The following KCNA2 variants were observed in gnomAD, a reference collection of about 807,000 sequenced individuals.
KCNA2 encodes potassium channel, voltage gated shaker related subfamily A, member 2.
KCNA2 carries 11 observed loss-of-function variants against 33.4 expected under a neutral mutation model. The observed-to-expected ratio is 0.33, with a 90% CI of 0.21 to 0.55. The LOEUF is 0.55. KCNA2 is among the 20% of genes least tolerant of loss of function. The pLI is 0.93. For synonymous variants in KCNA2, 222 were observed against 231.3 expected (o/e 0.96, Z 0.37); for missense variants, 291 against 621.6 (o/e 0.47, Z 5.66).
rs1648984958 is a variant in KCNA2, at chr1:110,594,149, T to A, written c.*9134A>T. ...AGGCTTATTTATCTACCTCTTTGAG[T>A]TTTCAGCAATTATTAGAGACAGGAC... On this transcript the variant is annotated 3_prime_UTR_variant, in exon 3 of 3. Coordinates refer to ENST00000316361, the MANE Select transcript of KCNA2 (RefSeq NM_004974.4). 7.4e-7 allele frequency: 1 copy of A among 1,342,472 alleles called. No individual in the cohort carries two copies. 83.2% of individuals were successfully genotyped at this position (1,342,472 alleles called of 1,614,324 possible). A position where few individuals can be genotyped will look rare whatever the true frequency, so the allele number is the denominator to read the frequency against.
chr1:110,628,458 A>G (rs186912081), intron 1 of KCNA2, among the ~76,000 whole-genome samples: 20 of 152,256 alleles, frequency 1.3e-4, no homozygotes, highest in African/African-American at 4.6e-4. Context: ...ACTGGTTTCC[A>G]CTTGGTGACA....
chr1:110,597,850 G>A lies in KCNA2; in HGVS notation c.*5433C>T. On this transcript the variant is annotated 3_prime_UTR_variant, in exon 3 of 3. Coordinates refer to ENST00000316361, the MANE Select transcript of KCNA2 (RefSeq NM_004974.4). ...TCAAACACAAACTATGAGAGATGAA[G>A]CTGAGATTTGGTGGGAAGGGAAGCA... 1.0e-6 allele frequency: 1 copy of A among 985,038 alleles called. No individual in the cohort carries two copies. Among genetic ancestry groups the A allele is most frequent in the Non-Finnish European group, 1.2e-6 (1 of 829,638 alleles). 61.0% of individuals were successfully genotyped at this position (985,038 alleles called of 1,614,324 possible). A position where few individuals can be genotyped will look rare whatever the true frequency, so the allele number is the denominator to read the frequency against.
rs910939214 is a variant in KCNA2 at position 110,593,975 on chromosome 1, C to T, written c.*9308G>A. Reference sequence around the variant, plus strand: ...AAATAGTTAAATGACTCCCAACTCCCATGAGTCTTCCCCGCAAGTCCTGCT... The same window carrying T: ...AAATAGTTAAATGACTCCCAACTCCTATGAGTCTTCCCCGCAAGTCCTGCT... On this transcript the variant is annotated 3_prime_UTR_variant, in exon 3 of 3. Transcript: ENST00000316361. 1.3e-6 allele frequency: 2 copies of T among 1,548,586 alleles called. No homozygotes were observed. Among genetic ancestry groups the T allele is most frequent in the South Asian group, 1.2e-5 (1 of 83,710 alleles).
At chr1:110,618,163 G>A (rs1157867935) in intron 1 of KCNA2, among the ~76,000 whole-genome samples, 1 of 152,172 alleles carries the variant, frequency 6.6e-6, no homozygotes, top group Non-Finnish European at 1.5e-5. Context: ...GCAACATAGT[G>A]AGACCCTGTC....
In KCNA2 at chr1:110,594,472, A is replaced by T. The variant is rs951139151; in HGVS notation, c.*8811T>A. ...GCTATGTCCCTGATGAAAACTAGAG[A>T]ATCTTCCTTGATTGCTGGCACCATT... is the stretch of plus-strand genomic sequence containing the variant. On this transcript the variant is annotated 3_prime_UTR_variant, in exon 3 of 3. Transcript: ENST00000316361. 1.0e-6 allele frequency: 1 copy of T among 985,214 alleles called. No homozygotes were observed. Among genetic ancestry groups the T allele is most frequent in the Admixed American group, 6.2e-5 (1 of 16,260 alleles). 61.0% of individuals were successfully genotyped at this position (985,214 alleles called of 1,614,324 possible). A position where few individuals can be genotyped will look rare whatever the true frequency, so the allele number is the denominator to read the frequency against.
chr1:110,598,769 A>T lies in KCNA2; in HGVS notation c.*4514T>A. ...GGACAGAGGCAAGCAGAGAAGAAGG[A>T]AGAGAGCATGTCAAATATTACTGAA... On this transcript the variant is annotated 3_prime_UTR_variant, in exon 3 of 3. Coordinates refer to ENST00000316361, the MANE Select transcript of KCNA2 (RefSeq NM_004974.4). 1.0e-6 allele frequency: 1 copy of T among 985,350 alleles called. No individual in the cohort carries two copies. The highest frequency in any genetic ancestry group is 1.2e-6 in the Non-Finnish European group (1 of 829,916). The allele number at this position is 985,350 out of a possible 1,614,324, so 61.0% of individuals were successfully genotyped here.
upstream of KCNA2, among the ~76,000 whole-genome samples, chr1:110,610,569 G>C (rs1649830857): frequency 6.6e-6 from 1 of 152,202 alleles, no homozygotes; most frequent in African/African-American, 2.4e-5. Context: ...AGCTCAGAGA[G>C]GACCAAGGTA....
rs1649351750 is a variant in KCNA2, at chr1:110,601,715, C to T, written c.*1568G>A. 8.7e-7 allele frequency: 1 copy of T among 1,147,392 alleles called. No individual in the cohort carries two copies. The highest frequency in any genetic ancestry group is 1.1e-6 in the Non-Finnish European group (1 of 936,816). The allele number at this position is 1,147,392 out of a possible 1,614,324, so 71.1% of individuals were successfully genotyped here. A position where few individuals can be genotyped will look rare whatever the true frequency, so the allele number is the denominator to read the frequency against. On this transcript the variant is annotated 3_prime_UTR_variant, in exon 3 of 3. Transcript: ENST00000316361. ...CAATGAGACAAATTAACCCATTAGG[C>T]CTCTTAGACAGCCAACCCACCAAGC... is the stretch of plus-strand genomic sequence containing the variant.
intron 1 of KCNA2, among the ~76,000 whole-genome samples, chr1:110,622,960 C>T (rs1029678128): frequency 1.3e-5 from 2 of 152,080 alleles, no homozygotes; most frequent in African/African-American, 4.8e-5. Flanking sequence ...GAATTTTTAA[C>T]AGAAATTGAC....
intron 1 of KCNA2, among the ~76,000 whole-genome samples, chr1:110,628,507 G>A (rs1650460599): frequency 6.6e-6 from 1 of 152,156 alleles, no homozygotes; most frequent in Non-Finnish European, 1.5e-5. Flanking sequence ...AGAAATGAGA[G>A]AGCAAAACTC....
chr1:110,626,869 AC>A (rs1650405090), intron 1 of KCNA2, among the ~76,000 whole-genome samples: 1 of 151,968 alleles, frequency 6.6e-6, no homozygotes, highest in Non-Finnish European at 1.5e-5. Flanking sequence ...TGGAATTCCC[AC>A]CCCTACCAGT....
chr1:110,599,846 G>C lies in KCNA2; in HGVS notation c.*3437C>G, dbSNP rs1649260135. 1.5e-5 allele frequency: 15 copies of C among 985,348 alleles called. No individual in the cohort carries two copies. Among genetic ancestry groups the C allele is most frequent in the African/African-American group, 1.7e-5 (1 of 57,196 alleles). The allele number at this position is 985,348 out of a possible 1,614,324, so 61.0% of individuals were successfully genotyped here. A position where few individuals can be genotyped will look rare whatever the true frequency, so the allele number is the denominator to read the frequency against. ...GTGCGGATTTGCTGGAAGGAAGGAA[G>C]GGTCATGGCAAGGAGGCCTATATTA... On this transcript the variant is annotated 3_prime_UTR_variant, in exon 3 of 3. Coordinates refer to ENST00000316361, the MANE Select transcript of KCNA2 (RefSeq NM_004974.4).
rs1225339015 is a variant in KCNA2, at chr1:110,597,744, TGA to T, written c.*5537_*5538del. On this transcript the variant is annotated 3_prime_UTR_variant, in exon 3 of 3. Transcript: ENST00000316361. ...GGTACTATCTATCACTTTTCAGTCC[TGA>T]GAGCAAGATTTTGAAAGAGCTATTG... The T allele has an allele frequency of 3.0e-6, 3 of 985,252 alleles. No homozygotes were observed. The highest frequency in any genetic ancestry group is 3.6e-6 in the Non-Finnish European group (3 of 829,884). The allele number at this position is 985,252 out of a possible 1,614,324, so 61.0% of individuals were successfully genotyped here. A position where few individuals can be genotyped will look rare whatever the true frequency, so the allele number is the denominator to read the frequency against.
chr1:110,623,954 T>C (rs557265843), intron 1 of KCNA2, among the ~76,000 whole-genome samples: 1 of 150,550 alleles, frequency 6.6e-6, no homozygotes, highest in East Asian at 2.0e-4. Context: ...CAAAAAGATA[T>C]CACTACACAC....
rs146381972 is a variant in KCNA2 at position 110,599,825 on chromosome 1, G to A, written c.*3458C>T. The A allele has an allele frequency of 1.1e-3, 1,040 of 985,484 alleles. 13 individuals are homozygous for A. The African/African-American group carries it at 0.017, about 16-fold the overall frequency. 61.0% of individuals were successfully genotyped at this position (985,484 alleles called of 1,614,324 possible). On this transcript the variant is annotated 3_prime_UTR_variant, in exon 3 of 3. Transcript: ENST00000316361. ...GCCTGGGCTATTGGGTTGTCTGTGC[G>A]GATTTGCTGGAAGGAAGGAAGGGTC...
At position 110,627,843 on chromosome 1, in the gene KCNA2, T is replaced by A. The variant is rs1323346331; in HGVS notation, c.-496+3552A>T. ...GACCCTGTCTCAAAAAAAAAAAAAA[T>A]AATAATAATGCCAGGCTTGATGGGG... On this transcript the variant is annotated intron_variant, in intron 1 of 4. Coordinates refer to the KCNA2 transcript ENST00000369770. Among the ~76,000 whole-genome samples, 139 of 143,074 alleles carry A rather than the reference T, an allele frequency of 9.7e-4. 1 individual carries two copies. Among genetic ancestry groups the A allele is most frequent in the African/African-American group, 1.1e-3 (44 of 39,210 alleles). The allele number at this position is 143,074 out of a possible 152,430, so 93.9% of individuals were successfully genotyped here.
chr1:110,614,611 C>G (rs1649991671), intron 1 of KCNA2, among the ~76,000 whole-genome samples: 1 of 152,222 alleles, frequency 6.6e-6, no homozygotes, highest in African/African-American at 2.4e-5. Flanking sequence ...GTCACTTCCC[C>G]TCTTTGGGCC....
At position 110,599,672 on chromosome 1, in the gene KCNA2, G is replaced by A. The variant is rs570174954; in HGVS notation, c.*3611C>T. ...AGGATGGAAGGGCAATAAAATCTGTGGGCTTAGAGAATGTTGGGGACATCT... is the reference window on the plus strand; with the variant it reads ...AGGATGGAAGGGCAATAAAATCTGTAGGCTTAGAGAATGTTGGGGACATCT... On this transcript the variant is annotated 3_prime_UTR_variant, in exon 3 of 3. Transcript: ENST00000316361. 2.5e-5 allele frequency: 25 copies of A among 985,428 alleles called. No homozygotes were observed. The East Asian group carries it at 2.2e-3, about 85-fold the overall frequency. The allele number at this position is 985,428 out of a possible 1,614,324, so 61.0% of individuals were successfully genotyped here. A position where few individuals can be genotyped will look rare whatever the true frequency, so the allele number is the denominator to read the frequency against.
At chr1:110,613,026 G>T (rs1649929976) in intron 1 of KCNA2, among the ~76,000 whole-genome samples, 1 of 152,182 alleles carries the variant, frequency 6.6e-6, no homozygotes, top group Non-Finnish European at 1.5e-5. Context: ...TTGCTCTGAG[G>T]ATTAAATGAG....
Sources: gnomAD v4.1 joint callset for allele counts (sites outside exome capture counted in the v4.1 genomes callset) on GRCh38, gnomAD v4.1.1 for gene constraint, MANE v1.5 for transcripts, NCBI Gene and HGNC (gene_info 2026-07-23, HGNC 2026-07-21) for gene names.